HMGCLL1: variants seen among roughly 807,000 people sequenced by gnomAD.
HMGCLL1 encodes the protein 3-hydroxy-3-methylglutaryl-CoA lyase like 1.
Under a neutral mutation model 39.1 loss-of-function variants are expected in HMGCLL1, and 36 were observed. That is an observed-to-expected ratio of 0.92 (90% CI 0.71 to 1.22). HMGCLL1 has a LOEUF of 1.22. Ranked by LOEUF, HMGCLL1 falls within the 50% of genes most tolerant of loss-of-function variation. The probability of loss-of-function intolerance (pLI) is 0.00; values close to 1 mark genes in which losing one functional copy is unlikely to be tolerated. For missense variants in HMGCLL1, 451 were observed against 416.5 expected (o/e 1.08, Z -0.72); for synonymous variants, 149 against 144.0 (o/e 1.03, Z -0.25).
chr6:55,575,313 A>G (rs996191875), intron 1 of HMGCLL1, among the ~76,000 whole-genome samples: 14 of 152,092 alleles, frequency 9.2e-5, no homozygotes, highest in African/African-American at 2.9e-4. Flanking sequence ...CTGTGATAGA[A>G]TAAGCCTTTC....
chr6:55,663,329 A>C, the HMGCLL1 span, among the ~76,000 whole-genome samples: 1 of 150,242 alleles, frequency 6.7e-6, no homozygotes, highest in South Asian at 2.1e-4. Context: ...ATAGTGCTAT[A>C]AATTTCCCTC....
chr6:55,562,117 A>G (rs1770977808), intron 1 of HMGCLL1, among the ~76,000 whole-genome samples: 1 of 152,188 alleles, frequency 6.6e-6, no homozygotes, highest in African/African-American at 2.4e-5. Context: ...TTCTTCTTTT[A>G]GATGAGGAAC....
the HMGCLL1 span, among the ~76,000 whole-genome samples, chr6:55,631,945 T>G: frequency 2.6e-5 from 4 of 152,154 alleles, no homozygotes; most frequent in Non-Finnish European, 4.4e-5. Context: ...CTATGGGCCT[T>G]ACCTATTTTG....
At chr6:55,583,352 C>T (rs943267837), upstream of HMGCLL1, among the ~76,000 whole-genome samples, 8 of 151,958 alleles carry the variant, frequency 5.3e-5, no homozygotes, top group East Asian at 3.9e-4. Context: ...CCTCTCCCCC[C>T]ACCCCACAAC....
intron 3 of HMGCLL1, among the ~76,000 whole-genome samples, chr6:55,526,890 G>A (rs528512526): frequency 2.6e-5 from 4 of 152,024 alleles, no homozygotes; most frequent in African/African-American, 9.6e-5. Context: ...TCACTGGTTT[G>A]GCCTCCCTCA....
the HMGCLL1 span, among the ~76,000 whole-genome samples, chr6:55,638,407 CA>C: frequency 0.73 from 96,489 of 132,564 alleles, 34,656 homozygotes; most frequent in East Asian, 0.93. Flanking sequence ...AACTCAGTCT[CA>C]AAAAAAAAAA....
the HMGCLL1 span, among the ~76,000 whole-genome samples, chr6:55,658,326 G>C: frequency 6.6e-6 from 1 of 151,904 alleles, no homozygotes; most frequent in African/African-American, 2.4e-5. Context: ...ACATAAAATT[G>C]TTGCTGTCTT....
At position 55,495,500 on chromosome 6, in the gene HMGCLL1, T is replaced by C. The variant is rs1272423472; in HGVS notation, c.714A>G (p.Lys238=). The stretch of plus-strand genomic sequence containing the variant: ...CAGCAAGAGCACCTGGTGGGATTTC[T>C]TTCATCACACTTTCCAACATTCTTT... ...SMKRMLESVM[K]EIPPGALAVH... The change falls in exon 7 of 9, where the codon AAA becomes AAG. Residue 238 remains lysine, a synonymous_variant. Transcript: ENST00000274901. The C allele has an allele frequency of 1.9e-6, 3 of 1,614,066 alleles. No individual in the cohort carries two copies.
At chr6:55,596,580 G>A in the HMGCLL1 span, among the ~76,000 whole-genome samples, 1 of 152,206 alleles carries the variant, frequency 6.6e-6, no homozygotes, top group Non-Finnish European at 1.5e-5. Flanking sequence ...ATCCTGAGGA[G>A]AGGACTCAGT....
intron 7 of HMGCLL1, among the ~76,000 whole-genome samples, chr6:55,441,327 G>A (rs941437814): frequency 6.6e-6 from 1 of 152,058 alleles, no homozygotes; most frequent in Non-Finnish European, 1.5e-5. Flanking sequence ...TGACTATAGG[G>A]GTTCTTGTTA....
chr6:55,577,290 A>G, intron 1 of HMGCLL1: 1 of 1,323,628 alleles, frequency 7.6e-7, no homozygotes, highest in Non-Finnish European at 1.0e-6. Flanking sequence ...TATTTTTAAA[A>G]ATTCCCGAGA....
chr6:55,505,393 C>A (rs77806785), intron 5 of HMGCLL1, among the ~76,000 whole-genome samples: 3,484 of 151,718 alleles, frequency 0.023, 127 homozygotes, highest in African/African-American at 0.08. Flanking sequence ...GAATTAAGAT[C>A]TATAAACATA....
At chr6:55,491,606 T>G (rs1349644561) in intron 7 of HMGCLL1, among the ~76,000 whole-genome samples, 1 of 152,210 alleles carries the variant, frequency 6.6e-6, no homozygotes, top group Non-Finnish European at 1.5e-5. Context: ...TTTCCTCATT[T>G]CAGTGGAGAA....
chr6:55,499,391 GA>G, intron 5 of HMGCLL1, 92 bp from the exon 6 acceptor site: 1 of 958,312 alleles, frequency 1.0e-6, no homozygotes, highest in Admixed American at 2.6e-5. Flanking sequence ...ACTGCATCAA[GA>G]AAATTTATTT....
chr6:55,488,074 A>C (rs1766132861), intron 7 of HMGCLL1, among the ~76,000 whole-genome samples: 1 of 152,100 alleles, frequency 6.6e-6, no homozygotes, highest in African/African-American at 2.4e-5. Flanking sequence ...TATAAGGTAA[A>C]TAAACTGTTG....
chr6:55,551,250 T>C (rs1470163061), intron 1 of HMGCLL1, among the ~76,000 whole-genome samples: 1 of 151,902 alleles, frequency 6.6e-6, no homozygotes, highest in Non-Finnish European at 1.5e-5. Context: ...AATTTGACAA[T>C]GACACTTGGA....
the HMGCLL1 span, among the ~76,000 whole-genome samples, chr6:55,610,047 A>C: frequency 2.6e-5 from 4 of 152,200 alleles, no homozygotes; most frequent in South Asian, 8.3e-4. Context: ...CTCAAAGATC[A>C]AAACTAGACA....
the HMGCLL1 span, among the ~76,000 whole-genome samples, chr6:55,632,690 A>G: frequency 1.3e-5 from 2 of 152,052 alleles, no homozygotes; most frequent in Admixed American, 6.6e-5. Flanking sequence ...GTATATACCT[A>G]TATTATAGCA....
At chr6:55,573,154 A>T (rs550797026) in intron 1 of HMGCLL1, among the ~76,000 whole-genome samples, 20 of 152,346 alleles carry the variant, frequency 1.3e-4, no homozygotes, top group African/African-American at 4.8e-4. Flanking sequence ...AAAAAAGTAA[A>T]GCCCTTACAA....
Sources: allele counts gnomAD v4.1 joint callset (sites outside exome capture counted in the v4.1 genomes callset), GRCh38; gene constraint gnomAD v4.1.1; transcripts MANE v1.5; gene names NCBI Gene and HGNC (gene_info 2026-07-23, HGNC 2026-07-21).